Variants in OR5D18 observed in about 807,000 individuals in gnomAD.
The protein encoded by OR5D18 is olfactory receptor family 5 subfamily D member 18.
For missense variants in OR5D18, 394 were observed against 367.3 expected, an observed-to-expected ratio of 1.07 and a Z score of -0.59; for synonymous variants, 158 against 152.5, an observed-to-expected ratio of 1.04 and a Z score of -0.27.
chr11:55,820,140 G>T lies in OR5D18; in HGVS notation c.511G>T (p.Gly171Cys). 4 of 1,613,866 alleles carry T rather than the reference G, an allele frequency of 2.5e-6. No homozygotes were observed. The highest frequency in any genetic ancestry group is 3.4e-6 in the Non-Finnish European group (4 of 1,180,000). Reference protein sequence around the residue: ...TCSALKLCFHGFNTINHFFCE... With the variant: ...TCSALKLCFHCFNTINHFFCE... ...CTCTGCTTTAAAGTTATGTTTTCAT[G>T]GTTTCAACACAATCAATCACTTCTT... The change falls in exon 1 of 1, where the codon GGT becomes TGT. Residue 171 changes from glycine to cysteine, a missense_variant. Gly to Cys is a radical substitution (Grantham distance 159). Coordinates refer to ENST00000333976, the MANE Select transcript of OR5D18 (RefSeq NM_001001952.1).
Position 55,820,082 on chromosome 11 carries a change from C to CT in OR5D18, c.454dup (p.Trp152LeufsTer30). Reference sequence around the variant, plus strand: ...TGCTGCTGGTTGTGGGATCCTATGCCTGGGGAGTCTCATGTTCCTTGGAAC... The same window carrying CT: ...TGCTGCTGGTTGTGGGATCCTATGCCTTGGGGAGTCTCATGTTCCTTGGAAC... On this transcript the variant is annotated frameshift_variant, in exon 1 of 1. Transcript: ENST00000333976. LOFTEE classifies it low-confidence loss of function (END_TRUNC). The CT allele has an allele frequency of 1.2e-6, 2 of 1,613,860 alleles. No homozygotes were observed. The highest frequency in any genetic ancestry group is 1.7e-6 in the Non-Finnish European group (2 of 1,179,992).
Position 55,819,887 on chromosome 11 carries a change from T to C in OR5D18, c.258T>C (p.Leu86=). ...SIIAPKMLVN[L]VVKDRTISFL... is the part of the protein sequence containing the mutation. ...TTGCTCCCAAGATGTTGGTGAACCT[T>C]GTTGTCAAAGACAGAACCATTTCAT... is the stretch of plus-strand genomic sequence containing the variant. Residue 86 remains leucine, a synonymous_variant, in exon 1 of 1, where the codon CTT becomes CTC. Transcript: ENST00000333976. The C allele has an allele frequency of 6.2e-7, 1 of 1,614,088 alleles. No individual in the cohort carries two copies. The highest frequency in any genetic ancestry group is 2.2e-5 in the East Asian group (1 of 44,882).
chr11:55,819,900 A>C lies in OR5D18; in HGVS notation c.271A>C (p.Arg91=), dbSNP rs779448615. ...KMLVNLVVKD[R]TISFLGCVVQ... ...GTTGGTGAACCTTGTTGTCAAAGAC[A>C]GAACCATTTCATTTTTAGGATGCGT... Residue 91 remains arginine (R), a synonymous_variant, in exon 1 of 1, where the codon AGA becomes CGA. Coordinates refer to ENST00000333976, the MANE Select transcript of OR5D18 (RefSeq NM_001001952.1). The C allele has an allele frequency of 6.2e-7, 1 of 1,614,108 alleles. No individual in the cohort carries two copies. The highest frequency in any genetic ancestry group is 8.5e-7 in the Non-Finnish European group (1 of 1,180,032).
rs11231180 is a variant in OR5D18, at chr11:55,819,981, G to A, written c.352G>A (p.Val118Met). The A allele has an allele frequency of 2.4e-3, 3,906 of 1,613,818 alleles. 154 individuals carry two copies. The East Asian group carries it at 0.077, about 32-fold the overall frequency. ...GGTCACTGAATCCTTTTTATTAGCTGTGATGGCCTATGACCGCTTCGTGGC... is the reference window on the plus strand; with the variant it reads ...GGTCACTGAATCCTTTTTATTAGCTATGATGGCCTATGACCGCTTCGTGGC... ...FVVTESFLLA[V>M]MAYDRFVAIC... The change falls in exon 1 of 1, where the codon GTG becomes ATG. Residue 118 changes from valine (V) to methionine (M), a missense_variant. Physicochemically the swap from Val to Met is conservative, Grantham distance 21. Transcript: ENST00000333976.
chr11:55,819,639 ACT>A lies in OR5D18; in HGVS notation c.11_12del (p.Thr4ArgfsTer2). The A allele has an allele frequency of 6.3e-6, 10 of 1,578,878 alleles. No homozygotes were observed. Among genetic ancestry groups the A allele is most frequent in the Non-Finnish European group, 8.6e-6 (10 of 1,160,370 alleles). MLL[T>X]DRNTSGTTFT... ...CGAAGAAACAGAAGCGATGCTGCTG[ACT>A]GATAGAAATACAAGTGGGACCACGT... On this transcript the variant is annotated frameshift_variant, in exon 1 of 1. Transcript: ENST00000333976. LOFTEE classifies it low-confidence loss of function (END_TRUNC).
Position 55,820,035 on chromosome 11 carries a change from A to C in OR5D18, c.406A>C (p.Asn136His), listed in dbSNP as rs297081. The C allele has an allele frequency of 1.2e-6, 2 of 1,613,896 alleles. No individual in the cohort carries two copies. The highest frequency in any genetic ancestry group is 1.7e-6 in the Non-Finnish European group (2 of 1,180,040). ...AICNPLLYTV[N>H]MSQKLCVLLV... ...TTGCAACCCTCTGCTCTACACAGTT[A>C]ACATGTCCCAGAAACTCTGCGTGCT... Residue 136 changes from asparagine to histidine, a missense_variant, in exon 1 of 1, where the codon AAC becomes CAC. By Grantham distance (68) the Asn-to-His change is moderately conservative. Transcript: ENST00000333976.
At position 55,819,779 on chromosome 11, in the gene OR5D18, CA is replaced by C. The variant is rs769082892; in HGVS notation, c.154del (p.Ile52SerfsTer33). 2.2e-5 allele frequency: 36 copies of C among 1,613,798 alleles called. No individual in the cohort carries two copies. In the South Asian group the frequency reaches 3.8e-4, roughly 17 times the overall value. Reference protein sequence around the residue: ...LGNIGLIVIIKINPKLHTPMY... With the variant: ...LGNIGLIVIIXINPKLHTPMY... Reference sequence around the variant, plus strand: ...GGAATATTGGGTTGATTGTGATCATCAAAATCAACCCCAAACTGCATACCCC... The same window carrying C: ...GGAATATTGGGTTGATTGTGATCATCAAATCAACCCCAAACTGCATACCCC... On this transcript the variant is annotated frameshift_variant, in exon 1 of 1. Transcript: ENST00000333976. LOFTEE classifies it low-confidence loss of function (END_TRUNC).
Position 55,820,099 on chromosome 11 carries a change from C to T in OR5D18, c.470C>T (p.Ser157Phe). Residue 157 changes from serine to phenylalanine, a missense_variant, in exon 1 of 1, where the codon TCC becomes TTC. Ser to Phe is a radical substitution (Grantham distance 155, BLOSUM62 -2). Coordinates refer to ENST00000333976, the MANE Select transcript of OR5D18 (RefSeq NM_001001952.1). ...TCCTATGCCTGGGGAGTCTCATGTT[C>T]CTTGGAACTGACGTGCTCTGCTTTA... The part of the protein sequence containing the change: ...VGSYAWGVSC[S>F]LELTCSALKL... 6.2e-7 allele frequency: 1 copy of T among 1,613,820 alleles called. No individual in the cohort carries two copies.
chr11:55,819,969 T>C lies in OR5D18; in HGVS notation c.340T>C (p.Phe114Leu). 6.2e-7 allele frequency: 1 copy of C among 1,613,932 alleles called. No individual in the cohort carries two copies. Among genetic ancestry groups the C allele is most frequent in the South Asian group, 1.1e-5 (1 of 91,078 alleles). ...FFCTFVVTES[F>L]LLAVMAYDRF... Reference sequence around the variant, plus strand: ...CTGTACCTTTGTGGTCACTGAATCCTTTTTATTAGCTGTGATGGCCTATGA... The same window carrying C: ...CTGTACCTTTGTGGTCACTGAATCCCTTTTATTAGCTGTGATGGCCTATGA... Residue 114 changes from phenylalanine to leucine, a missense_variant, in exon 1 of 1, where the codon TTT (phenylalanine) becomes CTT (leucine). Phe to Leu is a conservative substitution (Grantham distance 22). Coordinates refer to ENST00000333976, the MANE Select transcript of OR5D18 (RefSeq NM_001001952.1).
Position 55,820,136 on chromosome 11 carries a change from T to C in OR5D18, c.507T>C (p.Phe169=), listed in dbSNP as rs148481353. The C allele has an allele frequency of 4.9e-5, 79 of 1,614,000 alleles. No homozygotes were observed. In the Middle Eastern group the frequency reaches 1.6e-3, roughly 34 times the overall value. Residue 169 remains phenylalanine, a synonymous_variant, in exon 1 of 1, where the codon TTT becomes TTC. Coordinates refer to ENST00000333976, the MANE Select transcript of OR5D18 (RefSeq NM_001001952.1). The part of the protein sequence containing the change: ...ELTCSALKLC[F]HGFNTINHFF... ...CGTGCTCTGCTTTAAAGTTATGTTT[T>C]CATGGTTTCAACACAATCAATCACT...
At position 55,819,997 on chromosome 11, in the gene OR5D18, G is replaced by A. The variant is rs768748128; in HGVS notation, c.368G>A (p.Arg123His). ...TTATTAGCTGTGATGGCCTATGACC[G>A]CTTCGTGGCCATTTGCAACCCTCTG... Reference protein sequence around the residue: ...SFLLAVMAYDRFVAICNPLLY... With the variant: ...SFLLAVMAYDHFVAICNPLLY... Residue 123 changes from arginine (R) to histidine (H), a missense_variant, in exon 1 of 1, where the codon CGC becomes CAC. Physicochemically the swap from Arg to His is conservative, Grantham distance 29. Transcript: ENST00000333976. 3.3e-5 allele frequency: 54 copies of A among 1,613,424 alleles called. No homozygotes were observed. Among genetic ancestry groups the A allele is most frequent in the South Asian group, 1.3e-4 (12 of 91,054 alleles).
In OR5D18 at chr11:55,819,703, A is replaced by C. The variant is rs1432334847; in HGVS notation, c.74A>C (p.Gln25Pro). Residue 25 changes from glutamine (Q) to proline (P), a missense_variant, in exon 1 of 1, where the codon CAA becomes CCA. Coordinates refer to ENST00000333976, the MANE Select transcript of OR5D18 (RefSeq NM_001001952.1). ...GGCTTCTCAGATTACCCAGAACTGC[A>C]AGTCCCACTCTTCCTGGTTTTTCTG... The part of the protein sequence containing the change: ...LLGFSDYPEL[Q>P]VPLFLVFLAI... 1 of 1,613,630 alleles carries C rather than the reference A, an allele frequency of 6.2e-7. No individual in the cohort carries two copies. The highest frequency in any genetic ancestry group is 1.3e-5 in the African/African-American group (1 of 74,754).
At position 55,819,965 on chromosome 11, in the gene OR5D18, A is replaced by T. The variant is rs1307698853; in HGVS notation, c.336A>T (p.Glu112Asp). The change falls in exon 1 of 1, where the codon GAA becomes GAT. Residue 112 changes from glutamate to aspartate, a missense_variant. Glu to Asp is a conservative substitution (Grantham distance 45). Transcript: ENST00000333976. Reference protein sequence around the residue: ...FFFFCTFVVTESFLLAVMAYD... With the variant: ...FFFFCTFVVTDSFLLAVMAYD... Reference sequence around the variant, plus strand: ...TCTTCTGTACCTTTGTGGTCACTGAATCCTTTTTATTAGCTGTGATGGCCT... The same window carrying T: ...TCTTCTGTACCTTTGTGGTCACTGATTCCTTTTTATTAGCTGTGATGGCCT... 4.3e-6 allele frequency: 7 copies of T among 1,613,886 alleles called. No individual in the cohort carries two copies. The highest frequency in any genetic ancestry group is 5.9e-6 in the Non-Finnish European group (7 of 1,179,966).
Position 55,820,437 on chromosome 11 carries a change from C to A in OR5D18, c.808C>A (p.His270Asn), listed in dbSNP as rs761012413. The change falls in exon 1 of 1, where the codon CAC becomes AAC. Residue 270 changes from histidine (H) to asparagine (N), a missense_variant. Transcript: ENST00000333976. ...YCVPNSKNSRHTVKVASVFYT... is the reference protein window; with the variant it reads ...YCVPNSKNSRNTVKVASVFYT... ...TGTGCCCAACTCCAAAAACTCCAGG[C>A]ACACAGTCAAAGTGGCCTCTGTGTT... The A allele has an allele frequency of 1.8e-5, 29 of 1,613,840 alleles. No homozygotes were observed. The Admixed American group carries it at 2.0e-4, about 11-fold the overall frequency.
chr11:55,819,630 ATGC>A lies in OR5D18; in HGVS notation c.7_9del (p.Leu3?). 6.4e-7 allele frequency: 1 copy of A among 1,559,582 alleles called. No individual in the cohort carries two copies. ...TTTCAGATTCGAAGAAACAGAAGCG[ATGC>A]TGCTGACTGATAGAAATACAAGTGG... On this transcript the variant is annotated start_lost and inframe_deletion, in exon 1 of 1. Coordinates refer to ENST00000333976, the MANE Select transcript of OR5D18 (RefSeq NM_001001952.1).
At position 55,820,061 on chromosome 11, in the gene OR5D18, G is replaced by A; in HGVS notation, c.432G>A (p.Leu144=). ...TVNMSQKLCV[L]LVVGSYAWGV... is the part of the protein sequence containing the mutation. ...ACATGTCCCAGAAACTCTGCGTGCT[G>A]CTGGTTGTGGGATCCTATGCCTGGG... is the stretch of plus-strand genomic sequence containing the variant. Residue 144 remains leucine, a synonymous_variant, in exon 1 of 1, where the codon CTG becomes CTA. Coordinates refer to ENST00000333976, the MANE Select transcript of OR5D18 (RefSeq NM_001001952.1). 1.2e-6 allele frequency: 2 copies of A among 1,613,942 alleles called. No homozygotes were observed. Among genetic ancestry groups the A allele is most frequent in the South Asian group, 2.2e-5 (2 of 91,074 alleles).
rs777362085 is a variant in OR5D18, at chr11:55,820,522, T to G, written c.893T>G (p.Val298Gly). Residue 298 changes from valine (V) to glycine (G), a missense_variant, in exon 1 of 1, where the codon GTC becomes GGC. Coordinates refer to ENST00000333976, the MANE Select transcript of OR5D18 (RefSeq NM_001001952.1). ...ATCTACAGTCTGAGAAATAAAGATG[T>G]CAAGGATACAGTCACCGAGATACTG... ...PLIYSLRNKDVKDTVTEILDT... is the reference protein window; with the variant it reads ...PLIYSLRNKDGKDTVTEILDT... 1 of 1,613,202 alleles carries G rather than the reference T, an allele frequency of 6.2e-7. No individual in the cohort carries two copies. The highest frequency in any genetic ancestry group is 2.2e-5 in the East Asian group (1 of 44,858).
In OR5D18 at chr11:55,819,888, G is replaced by C. The variant is rs903944395; in HGVS notation, c.259G>C (p.Val87Leu). 1.9e-6 allele frequency: 3 copies of C among 1,613,886 alleles called. No individual in the cohort carries two copies. The highest frequency in any genetic ancestry group is 3.3e-5 in the Admixed American group (2 of 60,006). The change falls in exon 1 of 1, where the codon GTT becomes CTT. Residue 87 changes from valine to leucine, a missense_variant. Physicochemically the swap from Val to Leu is conservative, Grantham distance 32. Transcript: ENST00000333976. Reference sequence around the variant, plus strand: ...TGCTCCCAAGATGTTGGTGAACCTTGTTGTCAAAGACAGAACCATTTCATT... The same window carrying C: ...TGCTCCCAAGATGTTGGTGAACCTTCTTGTCAAAGACAGAACCATTTCATT... ...IIAPKMLVNLVVKDRTISFLG... is the reference protein window; with the variant it reads ...IIAPKMLVNLLVKDRTISFLG...
In OR5D18 at chr11:55,819,933, T is replaced by C. The variant is rs762745386; in HGVS notation, c.304T>C (p.Phe102Leu). The C allele has an allele frequency of 6.2e-7, 1 of 1,614,024 alleles. No individual in the cohort carries two copies. Among genetic ancestry groups the C allele is most frequent in the Admixed American group, 1.7e-5 (1 of 60,024 alleles). ...TISFLGCVVQ[F>L]FFFCTFVVTE... is the part of the protein sequence containing the mutation. ...TTCATTTTTAGGATGCGTAGTACAA[T>C]TCTTTTTCTTCTGTACCTTTGTGGT... The change falls in exon 1 of 1, where the codon TTC (phenylalanine) becomes CTC (leucine). Residue 102 changes from phenylalanine (F) to leucine (L), a missense_variant. Transcript: ENST00000333976.
Sources: gnomAD v4.1 joint callset for allele counts on GRCh38, gnomAD v4.1.1 for gene constraint, MANE v1.5 for transcripts, NCBI Gene and HGNC (gene_info 2026-07-23, HGNC 2026-07-21) for gene names.